CKMT2: variants seen among roughly 807,000 people sequenced by gnomAD.
CKMT2 encodes the protein creatine kinase S-type, mitochondrial.
Under a neutral mutation model 48.9 loss-of-function variants are expected in CKMT2, and 43 were observed. That is an observed-to-expected ratio of 0.88 (90% CI 0.69 to 1.13). The LOEUF (loss-of-function observed/expected upper bound fraction) is 1.13. CKMT2 is among the 50% of genes most tolerant of loss of function. The probability of loss-of-function intolerance (pLI) is 0.00; values close to 1 mark genes in which losing one functional copy is unlikely to be tolerated. For synonymous variants in CKMT2, 206 were observed against 213.0 expected (o/e 0.97, Z 0.29); for missense variants, 472 against 555.4 (o/e 0.85, Z 1.51).
At chr5:81,248,651 A>G (rs1437356982) in intron 1 of CKMT2, among the ~76,000 whole-genome samples, 2 of 152,244 alleles carry the variant, frequency 1.3e-5, no homozygotes, top group Non-Finnish European at 2.9e-5. Flanking sequence ...TGACCAATTT[A>G]TATCTTGTCT....
chr5:81,245,860 G>C (rs1388422769), intron 1 of CKMT2, among the ~76,000 whole-genome samples: 2 of 152,078 alleles, frequency 1.3e-5, no homozygotes, highest in Non-Finnish European at 2.9e-5. Context: ...CTCTCAAACT[G>C]CTCCCCCACC....
At chr5:81,251,053 C>CT in intron 1 of CKMT2, 60 bp from the exon 2 acceptor site, 1 of 1,369,514 alleles carries the variant, frequency 7.3e-7, no homozygotes, top group Non-Finnish European at 1.0e-6. Flanking sequence ...CCATTGACCC[C>CT]TATGTTGTGG....
chr5:81,259,865 G>C (rs1757150704), intron 8 of CKMT2, among the ~76,000 whole-genome samples: 1 of 152,196 alleles, frequency 6.6e-6, no homozygotes, highest in South Asian at 2.1e-4. Flanking sequence ...TCTGGACCAA[G>C]TGGACCTCAT....
intron 5 of CKMT2, among the ~76,000 whole-genome samples, chr5:81,255,825 A>AAT (rs1250234091): frequency 2.0e-5 from 3 of 150,388 alleles, no homozygotes; most frequent in African/African-American, 7.4e-5. Context: ...AACTCTTAAA[A>AAT]AAAAAAAAAA....
At chr5:81,234,126 G>C (rs928614832) in intron 1 of CKMT2, among the ~76,000 whole-genome samples, 9 of 151,042 alleles carry the variant, frequency 6.0e-5, no homozygotes, top group Non-Finnish European at 1.2e-4. Flanking sequence ...GGTTGTCCCG[G>C]GGTTAAAATC....
intron 7 of CKMT2, among the ~76,000 whole-genome samples, chr5:81,258,306 G>C (rs189548123): frequency 6.6e-6 from 1 of 152,330 alleles, no homozygotes; most frequent in Admixed American, 6.5e-5. Context: ...CTTGTTATTA[G>C]AAAGCTATTA....
chr5:81,233,977 G>A (rs1420996765), intron 1 of CKMT2, among the ~76,000 whole-genome samples: 2 of 139,330 alleles, frequency 1.4e-5, no homozygotes, highest in African/African-American at 2.8e-5. Context: ...ACAAGTAACC[G>A]TCTCCCCTCC....
chr5:81,234,022 A>T (rs906447947), intron 1 of CKMT2, among the ~76,000 whole-genome samples: 3 of 25,374 alleles, frequency 1.2e-4, no homozygotes, highest in East Asian at 1.3e-3. Context: ...GAGGTTAATT[A>T]AAAAAAAAAA....
At chr5:81,241,845 T>C (rs1341687649) in intron 1 of CKMT2, among the ~76,000 whole-genome samples, 1 of 152,196 alleles carries the variant, frequency 6.6e-6, no homozygotes, top group Admixed American at 6.5e-5. Context: ...TTTTCCTATA[T>C]TTTATGGAGA....
intron 4 of CKMT2, chr5:81,254,768 C>T (rs1478646682): frequency 3.3e-5 from 20 of 598,408 alleles, no homozygotes; most frequent in East Asian, 8.3e-5. Flanking sequence ...CACCCAGTGA[C>T]GGTCAAGGAC....
In CKMT2 at chr5:81,254,428, A is replaced by G. The variant is rs1580449060; in HGVS notation, c.384A>G (p.Lys128=). 6.2e-7 allele frequency: 1 copy of G among 1,614,204 alleles called. No individual in the cohort carries two copies. Among genetic ancestry groups the G allele is most frequent in the Non-Finnish European group, 8.5e-7 (1 of 1,180,026 alleles). The part of the protein sequence containing the change: ...VFADLFDPVI[K]LRHNGYDPRV... ...CTGACCTTTTTGACCCCGTCATCAAACTAAGACACAACGGCTATGACCCCA... is the reference window on the plus strand; with the variant it reads ...CTGACCTTTTTGACCCCGTCATCAAGCTAAGACACAACGGCTATGACCCCA... Residue 128 remains lysine, a synonymous_variant, in exon 4 of 10, where the codon AAA becomes AAG. Coordinates refer to ENST00000254035, the MANE Select transcript of CKMT2 (RefSeq NM_001099735.2).
At chr5:81,255,790 G>A (rs1234998671) in intron 5 of CKMT2, among the ~76,000 whole-genome samples, 1 of 150,802 alleles carries the variant, frequency 6.6e-6, no homozygotes, top group Non-Finnish European at 1.5e-5. Context: ...AAAACAAGAT[G>A]GCATTTTCAA....
intron 1 of CKMT2, 137 bp from the exon 2 acceptor site, chr5:81,250,976 C>CAT: frequency 3.0e-6 from 2 of 659,546 alleles, no homozygotes; most frequent in Non-Finnish European, 5.3e-6. Flanking sequence ...CACACACACA[C>CAT]ACAGAAAGAG....
intron 1 of CKMT2, among the ~76,000 whole-genome samples, chr5:81,239,766 A>C (rs1346141231): frequency 1.3e-5 from 2 of 152,082 alleles, no homozygotes; most frequent in Non-Finnish European, 2.9e-5. Flanking sequence ...CAAATCACAC[A>C]CAATTTCTAG....
rs746774404 is a variant in CKMT2, at chr5:81,252,908, T to C, written c.351+15T>C. The C allele has an allele frequency of 6.2e-7, 1 of 1,613,900 alleles. No individual in the cohort carries two copies. Among genetic ancestry groups the C allele is most frequent in the Non-Finnish European group, 8.5e-7 (1 of 1,179,846 alleles). On this transcript the variant is annotated intron_variant, in intron 3 of 9. Coordinates refer to ENST00000254035, the MANE Select transcript of CKMT2 (RefSeq NM_001099735.2). The stretch of plus-strand genomic sequence containing the variant: ...AGTCCTATGAGGTAAAACTATTGGC[T>C]GCTGGTTCCAGGGTGGGAGGGATGC...
chr5:81,262,087 G>A (rs535083949), intron 8 of CKMT2, among the ~76,000 whole-genome samples: 20 of 152,256 alleles, frequency 1.3e-4, no homozygotes, highest in South Asian at 6.2e-4. Context: ...ACTAGAAATG[G>A]GGAAAGGATT....
At chr5:81,261,464 C>A (rs1483231604) in intron 8 of CKMT2, among the ~76,000 whole-genome samples, 5 of 152,228 alleles carry the variant, frequency 3.3e-5, no homozygotes, top group African/African-American at 1.2e-4. Flanking sequence ...CCCATCATCT[C>A]AGCCCAAAAT....
chr5:81,251,390 A>C (rs1417489321), intron 2 of CKMT2, 106 bp downstream of exon 2: 7 of 1,196,820 alleles, frequency 5.8e-6, no homozygotes, highest in Non-Finnish European at 8.3e-6. Flanking sequence ...GATCGAGACC[A>C]TCCTGGCCAA....
intron 9 of CKMT2, among the ~76,000 whole-genome samples, chr5:81,264,514 A>G (rs1030524077): frequency 6.6e-5 from 10 of 152,200 alleles, no homozygotes; most frequent in African/African-American, 2.2e-4. Context: ...GAAACCCTCA[A>G]AACAATTAGA....
Sources: gnomAD v4.1 joint callset for allele counts (sites outside exome capture counted in the v4.1 genomes callset) on GRCh38, gnomAD v4.1.1 for gene constraint, MANE v1.5 for transcripts, NCBI Gene and HGNC (gene_info 2026-07-23, HGNC 2026-07-21) for gene names.